Variants in RPTOR observed in about 807,000 individuals in gnomAD.
The protein encoded by RPTOR is regulatory-associated protein of mTOR.
In RPTOR, 21 loss-of-function variants were observed where a neutral mutation model predicts 169.9. The observed-to-expected ratio is 0.12, with a 90% CI of 0.09 to 0.18. The LOEUF (loss-of-function observed/expected upper bound fraction) is 0.18, where lower values mean the gene tolerates loss of function less well. RPTOR is among the 10% of genes least tolerant of loss of function. The probability of loss-of-function intolerance (pLI) is 1.00; values close to 1 mark genes in which losing one functional copy is unlikely to be tolerated. For synonymous variants in RPTOR, 732 were observed against 753.2 expected (o/e 0.97, Z 0.46); for missense variants, 1,133 against 1,855.9 (o/e 0.61, Z 7.16).
At chr17:80,662,764 A>G (rs749809997) in intron 3 of RPTOR, among the ~76,000 whole-genome samples, 4 of 152,196 alleles carry the variant, frequency 2.6e-5, no homozygotes, top group Non-Finnish European at 4.4e-5. Context: ...ACATCTTAGC[A>G]GAATTCAGGC....
chr17:80,575,967 CTCTT>C (rs1295758578), intron 1 of RPTOR, among the ~76,000 whole-genome samples: 16 of 152,332 alleles, frequency 1.1e-4, no homozygotes, highest in African/African-American at 3.6e-4. Flanking sequence ...TGTAAAGTGA[CTCTT>C]TATCCCTAAT....
chr17:80,634,719 CTGTG>C (rs200214856), intron 2 of RPTOR, among the ~76,000 whole-genome samples: 1,013 of 59,048 alleles, frequency 0.017, 110 homozygotes, highest in Non-Finnish European at 0.025. Context: ...TGTGTGCGTA[CTGTG>C]TGTGTGCGTA....
chr17:80,722,092 C>T (rs138745044), intron 4 of RPTOR, among the ~76,000 whole-genome samples: 1,640 of 150,820 alleles, frequency 0.011, 112 homozygotes, highest in African/African-American at 0.038. Context: ...TCAAATGGTG[C>T]AGATAAGCAT....
At chr17:80,791,344 G>T in intron 6 of RPTOR, 106 bp from the exon 7 acceptor site, 1 of 858,932 alleles carries the variant, frequency 1.2e-6, no homozygotes, top group Non-Finnish European at 1.8e-6. Flanking sequence ...GTTCACCGTG[G>T]TAGTCCCTGT....
intron 16 of RPTOR, among the ~76,000 whole-genome samples, chr17:80,884,554 C>T (rs1408254274): frequency 2.6e-5 from 4 of 152,298 alleles, no homozygotes; most frequent in East Asian, 1.9e-4. Flanking sequence ...CCAGGGTCCC[C>T]GGACCCCAGG....
Position 80,746,560 on chromosome 17 carries a change from G to A in RPTOR, c.655-7450G>A, listed in dbSNP as rs1473688006. ...CCTCCAGAAGACTCTGGAGAGCATT[G>A]GAAGATGAGAGTCTTTCTTGTGTTT... On this transcript the variant is annotated intron_variant, in intron 5 of 33. Coordinates refer to ENST00000306801, the MANE Select transcript of RPTOR (RefSeq NM_020761.3). The surrounding 1 kb of genome is among the most constrained non-coding windows in gnomAD (Gnocchi z 4.5). 5.9e-5 allele frequency among the ~76,000 whole-genome samples: 9 copies of A among 152,186 alleles called. No individual in the cohort carries two copies. The highest frequency in any genetic ancestry group is 2.2e-4 in the African/African-American group (9 of 41,444).
intron 25 of RPTOR, among the ~76,000 whole-genome samples, chr17:80,943,455 G>T (rs567721547): frequency 6.6e-6 from 1 of 152,196 alleles, no homozygotes; most frequent in Non-Finnish European, 1.5e-5. Flanking sequence ...GGGCCTCCCC[G>T]CAAAGCCGGA....
At chr17:80,813,322 AG>A (rs1395583477) in intron 7 of RPTOR, among the ~76,000 whole-genome samples, 1 of 152,250 alleles carries the variant, frequency 6.6e-6, no homozygotes, top group Non-Finnish European at 1.5e-5. Context: ...CTTAAGAAAA[AG>A]TATTTTCACT....
chr17:80,656,498 A>C (rs1259452077), intron 3 of RPTOR, among the ~76,000 whole-genome samples: 1 of 152,266 alleles, frequency 6.6e-6, no homozygotes, highest in Non-Finnish European at 1.5e-5. Flanking sequence ...CTTGGGGCAG[A>C]TGCAGAATGG....
intron 9 of RPTOR, among the ~76,000 whole-genome samples, chr17:80,836,278 G>A (rs1165481479): frequency 6.6e-6 from 1 of 152,206 alleles, no homozygotes; most frequent in African/African-American, 2.4e-5. Context: ...TCTCCTTCTC[G>A]AAAGTCACAC....
At chr17:80,643,080 T>C (rs893674093) in intron 2 of RPTOR, among the ~76,000 whole-genome samples, 6 of 152,202 alleles carry the variant, frequency 3.9e-5, no homozygotes, top group African/African-American at 1.4e-4. Context: ...AGAGTAGATA[T>C]TGATAGATTC....
At chr17:80,567,717 G>C (rs1049435240) in intron 1 of RPTOR, among the ~76,000 whole-genome samples, 1 of 151,556 alleles carries the variant, frequency 6.6e-6, no homozygotes, top group Non-Finnish European at 1.5e-5. Flanking sequence ...GCTTGAACCC[G>C]GGAGGCGGAG....
chr17:80,881,609 G>A (rs905853909), intron 14 of RPTOR, among the ~76,000 whole-genome samples: 14 of 152,318 alleles, frequency 9.2e-5, no homozygotes, highest in East Asian at 1.9e-4. Flanking sequence ...GCTTGAGCTC[G>A]GGAGTTCGAG....
At chr17:80,826,045 T>C (rs1186763454) in intron 9 of RPTOR, among the ~76,000 whole-genome samples, 2 of 152,024 alleles carry the variant, frequency 1.3e-5, no homozygotes, top group African/African-American at 2.4e-5. Context: ...GAGGATGGGA[T>C]GGGAGGTGAG....
chr17:80,885,431 G>A (rs141040202), intron 17 of RPTOR, among the ~76,000 whole-genome samples: 1 of 152,340 alleles, frequency 6.6e-6, no homozygotes, highest in East Asian at 1.9e-4. Context: ...GCACCACTGC[G>A]ATTCCAAAGA....
At chr17:80,772,032 G>A (rs2066848872) in intron 6 of RPTOR, among the ~76,000 whole-genome samples, 1 of 152,142 alleles carries the variant, frequency 6.6e-6, no homozygotes, top group Non-Finnish European at 1.5e-5. Flanking sequence ...TATTGGCCAG[G>A]CTGGTCTTTA....
intron 28 of RPTOR, among the ~76,000 whole-genome samples, chr17:80,956,506 C>T (rs1010353443): frequency 6.6e-6 from 1 of 152,256 alleles, no homozygotes; most frequent in African/African-American, 2.4e-5. Flanking sequence ...GCTGCCGGCC[C>T]GTGGCCCATG....
intron 25 of RPTOR, among the ~76,000 whole-genome samples, chr17:80,943,214 G>T (rs2144045662): frequency 6.6e-6 from 1 of 152,366 alleles, no homozygotes; most frequent in South Asian, 2.1e-4. Context: ...GCTGCTGGAG[G>T]TGGGCGGCTT....
At chr17:80,736,720 A>C (rs1326335530) in intron 5 of RPTOR, among the ~76,000 whole-genome samples, 3 of 152,294 alleles carry the variant, frequency 2.0e-5, no homozygotes, top group Non-Finnish European at 2.9e-5. Context: ...TCTCCTGCTG[A>C]AGGTTGTGGT....
Sources: gnomAD v4.1 joint callset for allele counts (sites outside exome capture counted in the v4.1 genomes callset) on GRCh38, gnomAD v4.1.1 for gene constraint, Gnocchi (gnomAD v3.1) non-coding constraint, MANE v1.5 for transcripts, NCBI Gene and HGNC (gene_info 2026-07-23, HGNC 2026-07-21) for gene names.